SGCZ: variants seen among roughly 807,000 people sequenced by gnomAD.
The protein encoded by SGCZ is sarcoglycan zeta.
Under a neutral mutation model 41.3 loss-of-function variants are expected in SGCZ, and 40 were observed. The ratio of observed to expected loss-of-function variants is 0.97; its 90% CI spans 0.75 to 1.26. The LOEUF (loss-of-function observed/expected upper bound fraction) is 1.26, where lower values mean the gene tolerates loss of function less well. SGCZ is among the 50% of genes most tolerant of loss of function. The pLI is 0.00. For missense variants in SGCZ, 552 were observed against 369.8 expected, an observed-to-expected ratio of 1.49 and a Z score of -4.04; for synonymous variants, 206 against 137.5, an observed-to-expected ratio of 1.50 and a Z score of -3.49.
At chr8:14,322,248 C>T (rs1204795724) in intron 3 of SGCZ, among the ~76,000 whole-genome samples, 2 of 152,056 alleles carry the variant, frequency 1.3e-5, no homozygotes, top group African/African-American at 4.8e-5. Context: ...CCCATGCTTC[C>T]TAGTTATAGG....
chr8:15,211,248 T>G (rs149117417), intron 1 of SGCZ, among the ~76,000 whole-genome samples: 1 of 150,696 alleles, frequency 6.6e-6, no homozygotes, highest in Admixed American at 6.7e-5. Context: ...GTCTTATCCT[T>G]GGCCACCACA....
chr8:14,304,588 G>C (rs1801293033), intron 3 of SGCZ, among the ~76,000 whole-genome samples: 1 of 152,120 alleles, frequency 6.6e-6, no homozygotes, highest in African/African-American at 2.4e-5. Flanking sequence ...GTGTCTCTAA[G>C]AAAGTGAAAA....
At chr8:14,947,533 T>C (rs574094761) in intron 1 of SGCZ, among the ~76,000 whole-genome samples, 3 of 152,244 alleles carry the variant, frequency 2.0e-5, no homozygotes, top group Admixed American at 2.0e-4. Flanking sequence ...TAAGGGACAG[T>C]GTTGAGGAGA....
chr8:14,379,899 T>A (rs1804295666), intron 2 of SGCZ, among the ~76,000 whole-genome samples: 1 of 151,920 alleles, frequency 6.6e-6, no homozygotes, highest in African/African-American at 2.4e-5. Context: ...GCCCGCCTAC[T>A]TTTTGTATTT....
At chr8:14,595,085 TTTG>T (rs2117295861) in intron 1 of SGCZ, among the ~76,000 whole-genome samples, 1 of 150,408 alleles carries the variant, frequency 6.6e-6, no homozygotes, top group African/African-American at 2.5e-5. Flanking sequence ...TGTTTCCTAA[TTTG>T]TTATCACCTC....
At chr8:14,248,736 T>A (rs1585277947) in intron 3 of SGCZ, among the ~76,000 whole-genome samples, 1 of 106,528 alleles carries the variant, frequency 9.4e-6, no homozygotes, top group East Asian at 3.1e-4. Context: ...ATTACATTTG[T>A]ACTAGTTGAA....
At chr8:14,168,805 G>T (rs558053110) in intron 4 of SGCZ, among the ~76,000 whole-genome samples, 4 of 152,230 alleles carry the variant, frequency 2.6e-5, no homozygotes, top group South Asian at 2.1e-4. Flanking sequence ...CCCTGGAAAA[G>T]GAATTGCCTA....
At chr8:14,608,553 G>C (rs1805826957) in intron 1 of SGCZ, among the ~76,000 whole-genome samples, 1 of 152,008 alleles carries the variant, frequency 6.6e-6, no homozygotes, top group Admixed American at 6.6e-5. Flanking sequence ...GAGGGAGTAA[G>C]AACTCACTCA....
chr8:14,847,072 T>C (rs1322428070), intron 1 of SGCZ, among the ~76,000 whole-genome samples: 1 of 140,014 alleles, frequency 7.1e-6, no homozygotes, highest in African/African-American at 2.7e-5. Context: ...ACTTCATCTC[T>C]ACAAGACAAA....
intron 1 of SGCZ, among the ~76,000 whole-genome samples, chr8:14,982,470 G>A (rs1003150218): frequency 1.3e-5 from 2 of 152,068 alleles, no homozygotes; most frequent in African/African-American, 4.8e-5. Context: ...TGTATCAATG[G>A]GCTTTGGAGT....
At chr8:14,995,705 T>C (rs1307520906) in intron 1 of SGCZ, among the ~76,000 whole-genome samples, 2 of 152,194 alleles carry the variant, frequency 1.3e-5, no homozygotes. Flanking sequence ...TCTTCACATG[T>C]AAAATAGCAT....
chr8:14,309,448 T>C (rs1326703282), intron 3 of SGCZ: 1 of 1,606,154 alleles, frequency 6.2e-7, no homozygotes. Flanking sequence ...AATCTTCTGA[T>C]GACTGCAGTG....
intron 2 of SGCZ, among the ~76,000 whole-genome samples, chr8:14,346,598 T>G (rs962730714): frequency 1.4e-4 from 21 of 151,994 alleles, no homozygotes; most frequent in Admixed American, 3.9e-4. Flanking sequence ...AAGCAATAAA[T>G]CTTATATTCA....
chr8:14,115,179 T>G (rs1802486544), intron 5 of SGCZ, among the ~76,000 whole-genome samples: 1 of 151,982 alleles, frequency 6.6e-6, no homozygotes, highest in Admixed American at 6.6e-5. Flanking sequence ...TGTTTTGCCC[T>G]TTACTTAAAT....
chr8:14,589,528 G>A (rs546685120), intron 1 of SGCZ, among the ~76,000 whole-genome samples: 3 of 152,130 alleles, frequency 2.0e-5, no homozygotes, highest in East Asian at 1.9e-4. Context: ...TACTGGTTCA[G>A]GCAGTCTTTC....
intron 1 of SGCZ, among the ~76,000 whole-genome samples, chr8:14,653,407 T>C (rs972702334): frequency 6.6e-6 from 1 of 152,162 alleles, no homozygotes; most frequent in African/African-American, 2.4e-5. Flanking sequence ...TAATCCTATA[T>C]AGTGCTTAGC....
intron 2 of SGCZ, among the ~76,000 whole-genome samples, chr8:14,355,525 T>A (rs1295704786): frequency 6.6e-6 from 1 of 152,044 alleles, no homozygotes; most frequent in Non-Finnish European, 1.5e-5. Flanking sequence ...ATTCACTTAA[T>A]CTGACTTAAC....
chr8:14,215,422 T>C (rs1368639763), intron 4 of SGCZ, among the ~76,000 whole-genome samples: 1 of 149,160 alleles, frequency 6.7e-6, no homozygotes, highest in Non-Finnish European at 1.5e-5. Context: ...AAGAGGAGAG[T>C]AGTCAAATGA....
chr8:14,269,809 C>G (rs963695455), intron 3 of SGCZ, among the ~76,000 whole-genome samples: 2 of 152,060 alleles, frequency 1.3e-5, no homozygotes, highest in African/African-American at 4.8e-5. Context: ...TTGACTGGGT[C>G]AACAGTCTGC....
Sources: allele counts gnomAD v4.1 joint callset (sites outside exome capture counted in the v4.1 genomes callset), GRCh38; gene constraint gnomAD v4.1.1; transcripts MANE v1.5; gene names NCBI Gene and HGNC (gene_info 2026-07-23, HGNC 2026-07-21).